The following PAM16 variants were observed in gnomAD, a reference collection of about 807,000 sequenced individuals.
PAM16 encodes the protein presequence translocase associated motor 16.
PAM16 carries 11 observed loss-of-function variants against 17.9 expected under a neutral mutation model. That is an observed-to-expected ratio of 0.62 (90% CI 0.39 to 1.02). PAM16 has a LOEUF of 1.02. Ranked by LOEUF, PAM16 falls within the 50% of genes least tolerant of loss-of-function variation. The pLI is 0.01. For synonymous variants in PAM16, 72 were observed against 67.4 expected, an observed-to-expected ratio of 1.07 and a Z score of -0.34; for missense variants, 199 against 165.4, an observed-to-expected ratio of 1.20 and a Z score of -1.11.
intron 1 of PAM16, chr16:4,350,991 C>T (rs1403241501): frequency 1.6e-5 from 5 of 315,358 alleles, no homozygotes; most frequent in Non-Finnish European, 2.9e-5. Flanking sequence ...GCGGGCTAGG[C>T]ACAGCGCGAC....
rs372431376 is a variant in PAM16, at chr16:4,351,270, T to C, written c.-36A>G. ...CTGCCTCCGGGGCTCAAACTCCGAC[T>C]TCCTGGCCCCGCGGCCGGGGATCAA... On this transcript the variant is annotated 5_prime_UTR_variant, in exon 1 of 5. Transcript: ENST00000318059. 11 of 1,456,686 alleles carry C rather than the reference T, an allele frequency of 7.6e-6. No homozygotes were observed. In the East Asian group the frequency reaches 1.6e-4, roughly 22 times the overall value. The allele number at this position is 1,456,686 out of a possible 1,614,324, so 90.2% of individuals were successfully genotyped here.
Position 4,340,302 on chromosome 16 carries a change from C to CG in PAM16, c.*16dup, listed in dbSNP as rs771174412. 2 of 1,496,118 alleles carry CG rather than the reference C, an allele frequency of 1.3e-6. No homozygotes were observed. Among genetic ancestry groups the CG allele is most frequent in the Non-Finnish European group, 1.8e-6 (2 of 1,111,486 alleles). The allele number at this position is 1,496,118 out of a possible 1,614,324, so 92.7% of individuals were successfully genotyped here. A position where few individuals can be genotyped will look rare whatever the true frequency, so the allele number is the denominator to read the frequency against. ...TATAAATTAGAGGCGGCGGGGTGGG[C>CG]GGGGGGAGCCGAGCAGTCACGTATG... is the stretch of plus-strand genomic sequence containing the variant. On this transcript the variant is annotated 3_prime_UTR_variant, in exon 5 of 5. Coordinates refer to ENST00000318059, the MANE Select transcript of PAM16 (RefSeq NM_016069.11).
intron 2 of PAM16, among the ~76,000 whole-genome samples, chr16:4,342,348 A>T (rs2053662066): frequency 6.7e-6 from 1 of 148,624 alleles, no homozygotes; most frequent in Non-Finnish European, 1.5e-5. Context: ...ACACAGTGAG[A>T]CTCCGTCTCA....
intron 1 of PAM16, chr16:4,343,756 A>T (rs58720680): frequency 0.011 from 4,678 of 417,212 alleles, 194 homozygotes; most frequent in African/African-American, 0.086. Flanking sequence ...GATCTGTCCT[A>T]ATTCTCCCAA....
intron 1 of PAM16, chr16:4,344,015 C>G (rs1211733639): frequency 1.3e-5 from 5 of 397,924 alleles, no homozygotes. Flanking sequence ...TGCCCCGAGT[C>G]AGAGCACACT....
intron 1 of PAM16, among the ~76,000 whole-genome samples, chr16:4,350,517 C>T (rs1210675137): frequency 6.6e-6 from 1 of 151,988 alleles, no homozygotes; most frequent in African/African-American, 2.4e-5. Flanking sequence ...TGTCCTGCCT[C>T]AGCCTCCCGG....
chr16:4,341,721 C>T (rs1338904710), intron 2 of PAM16: 1 of 745,642 alleles, frequency 1.3e-6, no homozygotes, highest in Admixed American at 3.0e-5. Flanking sequence ...AGGGCAGGAT[C>T]TGACCGCTAA....
chr16:4,351,303 C>CCCAATTGTTTTTTAATTTTTAATTTTT lies in PAM16; in HGVS notation c.-70_-69insAAAAATTAAAAATTAAAAAACAATTGG. 2 of 1,315,314 alleles carry CCCAATTGTTTTTTAATTTTTAATTTTT rather than the reference C, an allele frequency of 1.5e-6. No individual in the cohort carries two copies. The highest frequency in any genetic ancestry group is 3.0e-5 in the African/African-American group (2 of 66,472). 81.5% of individuals were successfully genotyped at this position (1,315,314 alleles called of 1,614,324 possible). ...CCCGCGGCCGGGGATCAAGCGTGGT[C>CCCAATTGTTTTTTAATTTTTAATTTTT]GGCGGGTCAGAGGTCAAGGAAAGCC... On this transcript the variant is annotated 5_prime_UTR_variant, in exon 1 of 5. Coordinates refer to ENST00000318059, the MANE Select transcript of PAM16 (RefSeq NM_016069.11).
intron 2 of PAM16, among the ~76,000 whole-genome samples, chr16:4,342,998 A>G (rs1173997528): frequency 6.6e-6 from 1 of 152,204 alleles, no homozygotes; most frequent in Non-Finnish European, 1.5e-5. Context: ...AGGTATCCAG[A>G]TGGGCCAGTG....
At chr16:4,351,062 G>A in intron 1 of PAM16, 170 bp downstream of exon 1, 1 of 351,960 alleles carries the variant, frequency 2.8e-6, no homozygotes, top group Non-Finnish European at 5.0e-6. Flanking sequence ...CGCCGGTGCC[G>A]CCGCTGCCGG....
chr16:4,342,827 C>T (rs1313035601), intron 2 of PAM16, among the ~76,000 whole-genome samples: 1 of 151,744 alleles, frequency 6.6e-6, no homozygotes, highest in South Asian at 2.1e-4. Flanking sequence ...GGTATGGTGT[C>T]GGGTGCTTGT....
chr16:4,341,015 C>A, intron 3 of PAM16, 30 bp from the exon 4 acceptor site: 1 of 1,612,394 alleles, frequency 6.2e-7, no homozygotes, highest in Non-Finnish European at 8.5e-7. Context: ...GGTGAGAGGG[C>A]TGCAGACTGC....
At position 4,351,302 on chromosome 16, in the gene PAM16, T is replaced by C. The variant is rs2053856588; in HGVS notation, c.-68A>G. The C allele has an allele frequency of 2.3e-6, 3 of 1,319,378 alleles. No individual in the cohort carries two copies. Among genetic ancestry groups the C allele is most frequent in the Non-Finnish European group, 2.0e-6 (2 of 996,368 alleles). 81.7% of individuals were successfully genotyped at this position (1,319,378 alleles called of 1,614,324 possible). A position where few individuals can be genotyped will look rare whatever the true frequency, so the allele number is the denominator to read the frequency against. On this transcript the variant is annotated 5_prime_UTR_variant, in exon 1 of 5. Coordinates refer to ENST00000318059, the MANE Select transcript of PAM16 (RefSeq NM_016069.11). ...CCCCGCGGCCGGGGATCAAGCGTGG[T>C]CGGCGGGTCAGAGGTCAAGGAAAGC...
chr16:4,346,092 G>C (rs2053754712), intron 1 of PAM16: 1 of 495,040 alleles, frequency 2.0e-6, no homozygotes, highest in African/African-American at 2.1e-5. Context: ...AACCAAAGCG[G>C]CGTGGTGGCC....
chr16:4,344,329 C>T (rs866648679), intron 1 of PAM16, among the ~76,000 whole-genome samples: 2 of 636 alleles, frequency 3.1e-3, no homozygotes, highest in Non-Finnish European at 5.0e-3. Context: ...GAGGGGGTTC[C>T]GTGAGAGGAG....
chr16:4,348,957 T>TCCTGTTAATATAC (rs2053802137), intron 1 of PAM16, among the ~76,000 whole-genome samples: 1 of 132,550 alleles, frequency 7.5e-6, no homozygotes. Context: ...CACTTTCTTT[T>TCCTGTTAATATAC]TTTTTTTTTT....
At chr16:4,348,940 G>A (rs111284704) in intron 1 of PAM16, among the ~76,000 whole-genome samples, 1,693 of 145,972 alleles carry the variant, frequency 0.012, 23 homozygotes, top group Non-Finnish European at 0.018. Flanking sequence ...CACCGTACCC[G>A]GCCTAGCACT....
intron 1 of PAM16, among the ~76,000 whole-genome samples, chr16:4,350,628 C>G (rs926508685): frequency 6.6e-6 from 1 of 152,052 alleles, no homozygotes; most frequent in African/African-American, 2.4e-5. Flanking sequence ...GTCTCGAACT[C>G]CTGACCTCGT....
chr16:4,341,569 G>A (rs940704480), intron 2 of PAM16, 65 bp from the exon 3 acceptor site: 10 of 1,522,818 alleles, frequency 6.6e-6, no homozygotes, highest in African/African-American at 1.4e-5. Flanking sequence ...GGCCTTCCGA[G>A]TTGGTGGCTC....
Sources: allele counts gnomAD v4.1 joint callset (sites outside exome capture counted in the v4.1 genomes callset), GRCh38; gene constraint gnomAD v4.1.1; transcripts MANE v1.5; gene names NCBI Gene and HGNC (gene_info 2026-07-23, HGNC 2026-07-21).